SLC27A4: variants seen among roughly 807,000 people sequenced by gnomAD.
SLC27A4 encodes the protein solute carrier family 27 member 4.
SLC27A4 carries 33 observed loss-of-function variants against 64.4 expected under a neutral mutation model. The observed-to-expected ratio is 0.51, with a 90% CI of 0.39 to 0.68. The LOEUF (loss-of-function observed/expected upper bound fraction) is 0.68, where lower values mean the gene tolerates loss of function less well. SLC27A4 is among the 30% of genes least tolerant of loss of function. SLC27A4 has a pLI of 0.00. For missense variants in SLC27A4, 824 were observed against 883.5 expected (o/e 0.93, Z 0.85); for synonymous variants, 377 against 370.0 (o/e 1.02, Z -0.22).
At chr9:128,350,261 T>C (rs1832712442) in intron 4 of SLC27A4, 51 bp from the exon 5 acceptor site, 1 of 1,526,044 alleles carries the variant, frequency 6.6e-7, no homozygotes, top group African/African-American at 1.4e-5. Context: ...GTGTGACCCT[T>C]TGCCCAGCCC....
rs532636378 is a variant in SLC27A4 at position 128,352,710 on chromosome 9, C to A, written c.950C>A (p.Ser317Tyr). Residue 317 changes from serine to tyrosine, a missense_variant, in exon 7 of 13, where the codon TCC becomes TAC. Ser to Tyr is a moderately radical substitution (Grantham distance 144). Coordinates refer to ENST00000300456, the MANE Select transcript of SLC27A4 (RefSeq NM_005094.4). ...GTGATTCGGAAGAAGTTCTCAGCCT[C>A]CCGGTTCTGGGACGATTGTATCAAG... ...TVVIRKKFSASRFWDDCIKYN... is the reference protein window; with the variant it reads ...TVVIRKKFSAYRFWDDCIKYN... The A allele has an allele frequency of 1.9e-6, 3 of 1,614,166 alleles. No homozygotes were observed. Among genetic ancestry groups the A allele is most frequent in the Non-Finnish European group, 2.5e-6 (3 of 1,179,994 alleles).
chr9:128,359,902 C>T (rs555931900), intron 12 of SLC27A4, among the ~76,000 whole-genome samples: 6 of 152,306 alleles, frequency 3.9e-5, no homozygotes, highest in South Asian at 2.1e-4. Flanking sequence ...TCTGCAAGCA[C>T]GTCCGTGTTA....
rs562812555 is a variant in SLC27A4 at position 128,342,519 on chromosome 9, C to T, written c.-6-608C>T. The stretch of plus-strand genomic sequence containing the variant: ...TTTCACATCAAAGAACTACTGACAA[C>T]GAAGGCTGCGCCTGCCTCTCCCATC... On this transcript the variant is annotated intron_variant, in intron 1 of 12. Coordinates refer to ENST00000300456, the MANE Select transcript of SLC27A4 (RefSeq NM_005094.4). 1.6e-5 allele frequency: 15 copies of T among 948,674 alleles called. No homozygotes were observed. In the East Asian group the frequency reaches 2.9e-4, roughly 18 times the overall value. 58.8% of individuals were successfully genotyped at this position (948,674 alleles called of 1,614,324 possible). A position where few individuals can be genotyped will look rare whatever the true frequency, so the allele number is the denominator to read the frequency against.
In SLC27A4 at chr9:128,353,627, C is replaced by T. The variant is rs1336728734; in HGVS notation, c.1324+86C>T. 7.1e-7 allele frequency: 1 copy of T among 1,417,866 alleles called. No homozygotes were observed. Among genetic ancestry groups the T allele is most frequent in the Non-Finnish European group, 9.7e-7 (1 of 1,026,922 alleles). The allele number at this position is 1,417,866 out of a possible 1,614,324, so 87.8% of individuals were successfully genotyped here. A position where few individuals can be genotyped will look rare whatever the true frequency, so the allele number is the denominator to read the frequency against. On this transcript the variant is annotated intron_variant, in intron 9 of 12. Transcript: ENST00000300456. The surrounding 1 kb of genome is among the most constrained non-coding windows in gnomAD (Gnocchi z 4.9). ...GTGTGGATGGGGAGCCTTGTTCTGA[C>T]CAGTGGCCATCAGTTATCTCTGCTC...
intron 1 of SLC27A4, among the ~76,000 whole-genome samples, chr9:128,341,893 C>A (rs1832577933): frequency 2.0e-5 from 3 of 152,168 alleles, no homozygotes; most frequent in Admixed American, 2.0e-4. Flanking sequence ...TGTGTGCCAC[C>A]ATGCCTGGCT....
chr9:128,344,919 C>T (rs1203807873), intron 2 of SLC27A4, among the ~76,000 whole-genome samples: 1 of 152,162 alleles, frequency 6.6e-6, no homozygotes, highest in Non-Finnish European at 1.5e-5. Context: ...GGCCACGGCA[C>T]CACGAGAGCC....
Position 128,348,623 on chromosome 9 carries a change from C to T in SLC27A4, c.635C>T (p.Pro212Leu), listed in dbSNP as rs1564400408. 7.4e-6 allele frequency: 12 copies of T among 1,613,982 alleles called. No individual in the cohort carries two copies. In the East Asian group the frequency reaches 2.5e-4, roughly 33 times the overall value. Reference sequence around the variant, plus strand: ...GGCTCCTGGGAGCCCGGTGCGGTGCCTCCAAGCACAGAACACCTGGACCCT... The same window carrying T: ...GGCTCCTGGGAGCCCGGTGCGGTGCTTCCAAGCACAGAACACCTGGACCCT... ...CSGSWEPGAV[P>L]PSTEHLDPLL... is the part of the protein sequence containing the mutation. Residue 212 changes from proline to leucine, a missense_variant, in exon 4 of 13, where the codon CCT (proline) becomes CTT (leucine). Coordinates refer to ENST00000300456, the MANE Select transcript of SLC27A4 (RefSeq NM_005094.4).
At chr9:128,343,611 TG>T (rs773710344) in intron 2 of SLC27A4, among the ~76,000 whole-genome samples, 2 of 152,092 alleles carry the variant, frequency 1.3e-5, no homozygotes, top group Non-Finnish European at 1.5e-5. Context: ...TGTAAGTTTA[TG>T]AAAGGGTAAA....
chr9:128,342,215 G>A lies in SLC27A4; in HGVS notation c.-6-912G>A, dbSNP rs764696998. 85 of 1,602,462 alleles carry A rather than the reference G, an allele frequency of 5.3e-5. No individual in the cohort carries two copies. The East Asian group carries it at 1.4e-3, about 26-fold the overall frequency. On this transcript the variant is annotated intron_variant, in intron 1 of 12. Coordinates refer to ENST00000300456, the MANE Select transcript of SLC27A4 (RefSeq NM_005094.4). ...CGCTCGTTCTCGCATGCCTCGCTCC[G>A]CTTTTCCTCCGCAACCATGTCTGAC...
chr9:128,347,842 G>A (rs190149618), intron 3 of SLC27A4, among the ~76,000 whole-genome samples: 1 of 148,698 alleles, frequency 6.7e-6, no homozygotes, highest in Non-Finnish European at 1.5e-5. Flanking sequence ...GGACAATATA[G>A]TGAGACCCTG....
At chr9:128,341,198 A>T (rs992843774) in intron 1 of SLC27A4, among the ~76,000 whole-genome samples, 1 of 151,954 alleles carries the variant, frequency 6.6e-6, no homozygotes, top group African/African-American at 2.4e-5. Context: ...CGCGAGGGGG[A>T]GGGGGAGATG....
chr9:128,348,056 G>A (rs1040377240), intron 3 of SLC27A4, among the ~76,000 whole-genome samples: 6 of 152,220 alleles, frequency 3.9e-5, no homozygotes, highest in Middle Eastern at 3.4e-3. Context: ...CGTGCAGTGC[G>A]CAGGGGAGCC....
chr9:128,350,643 C>T (rs1377975186), intron 6 of SLC27A4, 68 bp downstream of exon 6: 12 of 1,167,408 alleles, frequency 1.0e-5, no homozygotes, highest in Non-Finnish European at 1.5e-5. Context: ...CCCCATCAGG[C>T]AGTGTGCTGC....
intron 6 of SLC27A4, among the ~76,000 whole-genome samples, chr9:128,352,173 C>T (rs1418922525): frequency 2.0e-5 from 3 of 149,190 alleles, no homozygotes; most frequent in East Asian, 2.0e-4. Context: ...CCAGGCTGGG[C>T]GACAGAGCGA....
At chr9:128,343,314 T>C (rs1392969708) in intron 2 of SLC27A4, 21 bp downstream of exon 2, 2 of 1,614,012 alleles carry the variant, frequency 1.2e-6, no homozygotes, top group Non-Finnish European at 1.7e-6. Context: ...GGCCCAGCCT[T>C]TCCTGGGGTC....
intron 12 of SLC27A4, among the ~76,000 whole-genome samples, chr9:128,357,261 C>CA (rs1007585471): frequency 0.032 from 1,600 of 50,684 alleles, 45 homozygotes; most frequent in Middle Eastern, 0.038. Flanking sequence ...GACTCTGTCT[C>CA]AAAAAAAAAA....
chr9:128,346,294 C>T (rs1458106925), intron 3 of SLC27A4, among the ~76,000 whole-genome samples: 1 of 151,640 alleles, frequency 6.6e-6, no homozygotes, highest in Non-Finnish European at 1.5e-5. Flanking sequence ...AGTGCAGTGG[C>T]GTGATCTCGG....
intron 12 of SLC27A4, among the ~76,000 whole-genome samples, chr9:128,358,800 G>A (rs577454231): frequency 3.9e-5 from 6 of 152,230 alleles, no homozygotes; most frequent in South Asian, 2.1e-4. Flanking sequence ...GGACGGCGCC[G>A]GTCTGGGCCC....
intron 1 of SLC27A4, chr9:128,342,379 C>T (rs750308658): frequency 1.4e-5 from 23 of 1,609,676 alleles, no homozygotes; most frequent in Middle Eastern, 2.2e-4. Flanking sequence ...AGGCGTGCAC[C>T]GCCAATATGC....
Sources: allele counts gnomAD v4.1 joint callset (sites outside exome capture counted in the v4.1 genomes callset), GRCh38; gene constraint gnomAD v4.1.1; non-coding constraint Gnocchi (gnomAD v3.1); transcripts MANE v1.5; gene names NCBI Gene and HGNC (gene_info 2026-07-23, HGNC 2026-07-21).